NALF1: variants seen among roughly 807,000 people sequenced by gnomAD.
The protein encoded by NALF1 is family with sequence similarity 155 member A.
A neutral mutation model predicts 48.4 loss-of-function variants in NALF1; 3 were observed. The ratio of observed to expected loss-of-function variants is 0.06; its 90% confidence interval spans 0.03 to 0.16. The LOEUF is 0.16. NALF1 is among the 10% of genes least tolerant of loss of function. The pLI, the probability that NALF1 is intolerant of heterozygous loss-of-function variation, is 1.00. For synonymous variants in NALF1, 262 were observed against 245.7 expected (o/e 1.07, Z -0.62); for missense variants, 526 against 571.5 (o/e 0.92, Z 0.81).
At chr13:107,688,201 T>A (rs1248853135) in intron 1 of NALF1, among the ~76,000 whole-genome samples, 1 of 152,186 alleles carries the variant, frequency 6.6e-6, no homozygotes, top group Non-Finnish European at 1.5e-5. Context: ...ACTTTATGGC[T>A]ATGAAGGTGG....
chr13:107,495,136 A>C (rs1160394243), intron 1 of NALF1, among the ~76,000 whole-genome samples: 1 of 152,222 alleles, frequency 6.6e-6, no homozygotes, highest in Admixed American at 6.5e-5. Context: ...AGAAGTTGCA[A>C]GTAAGATATT....
chr13:107,594,648 A>T (rs1401961124), intron 1 of NALF1, among the ~76,000 whole-genome samples: 1 of 152,146 alleles, frequency 6.6e-6, no homozygotes, highest in Non-Finnish European at 1.5e-5. Flanking sequence ...GGCCAAAACA[A>T]TTTTATATAT....
intron 1 of NALF1, among the ~76,000 whole-genome samples, chr13:107,736,992 A>G (rs746124621): frequency 1.1e-4 from 16 of 152,220 alleles, no homozygotes; most frequent in Non-Finnish European, 2.2e-4. Flanking sequence ...CTTTCTAATT[A>G]CACATATTTC....
rs536635023 is a variant in NALF1 at position 107,513,128 on chromosome 13, G to A, written c.916-302373C>T. On this transcript the variant is annotated intron_variant, in intron 1 of 2. Transcript: ENST00000375915. ...AGTGTGAAGGACTGCATAAGGATTC[G>A]AAAATAAGACAACATTTTTTTAGGG... Among the ~76,000 whole-genome samples the A allele has an allele frequency of 2.6e-5, 4 of 152,206 alleles. No individual in the cohort carries two copies. The East Asian group carries it at 5.8e-4, about 22-fold the overall frequency.
intron 1 of NALF1, among the ~76,000 whole-genome samples, chr13:107,574,136 A>G (rs1197504030): frequency 6.6e-6 from 1 of 152,188 alleles, no homozygotes; most frequent in East Asian, 1.9e-4. Context: ...TGACATGCCT[A>G]CTTCTGCAAA....
At chr13:107,663,431 C>T (rs1393908404) in intron 1 of NALF1, among the ~76,000 whole-genome samples, 1 of 152,116 alleles carries the variant, frequency 6.6e-6, no homozygotes, top group Non-Finnish European at 1.5e-5. Flanking sequence ...ACAGTTAAGG[C>T]CTCTTCAGCA....
intron 1 of NALF1, among the ~76,000 whole-genome samples, chr13:107,770,085 T>C (rs1413610773): frequency 3.9e-5 from 6 of 152,128 alleles, no homozygotes; most frequent in African/African-American, 1.4e-4. Flanking sequence ...GCTAATTTTT[T>C]GTATTTTTTA....
chr13:107,547,204 A>T (rs1323665), intron 1 of NALF1, among the ~76,000 whole-genome samples: 24,469 of 152,174 alleles, frequency 0.16, 2,153 homozygotes, highest in Middle Eastern at 0.2. Context: ...AGAGTGCCTC[A>T]TATGTATAAT....
chr13:107,235,246 A>T (rs1045351813), intron 1 of NALF1, among the ~76,000 whole-genome samples: 1 of 152,244 alleles, frequency 6.6e-6, no homozygotes. Context: ...CCCAGAAAGG[A>T]AATAGTTAAT....
chr13:107,302,156 G>A (rs1168920257), intron 1 of NALF1, among the ~76,000 whole-genome samples: 1 of 152,174 alleles, frequency 6.6e-6, no homozygotes, highest in African/African-American at 2.4e-5. Context: ...GAGCTCGCAA[G>A]CTCAGCCCCT....
chr13:107,848,485 A>C (rs773776458), intron 1 of NALF1, among the ~76,000 whole-genome samples: 9 of 152,246 alleles, frequency 5.9e-5, no homozygotes, highest in Non-Finnish European at 8.8e-5. Flanking sequence ...ATGCAGCCTT[A>C]AAATTACTTT....
At chr13:107,181,613 CT>C (rs72367311) in intron 2 of NALF1, among the ~76,000 whole-genome samples, 3,736 of 134,738 alleles carry the variant, frequency 0.028, 43 homozygotes, top group Non-Finnish European at 0.037. Context: ...ACTATATAGA[CT>C]TTTTTTTTTT....
intron 1 of NALF1, among the ~76,000 whole-genome samples, chr13:107,731,505 A>T (rs1355054830): frequency 2.0e-5 from 3 of 152,074 alleles, no homozygotes; most frequent in East Asian, 3.9e-4. Context: ...ACCCAGTATT[A>T]AGTCTAGTAC....
intron 2 of NALF1, among the ~76,000 whole-genome samples, chr13:107,177,325 A>G (rs550305778): frequency 1.2e-4 from 18 of 152,328 alleles, no homozygotes; most frequent in African/African-American, 4.1e-4. Flanking sequence ...ATCCCTATAA[A>G]AAAATTAGGT....
At chr13:107,838,802 G>T (rs1187847327) in intron 1 of NALF1, among the ~76,000 whole-genome samples, 1 of 152,184 alleles carries the variant, frequency 6.6e-6, no homozygotes, top group East Asian at 1.9e-4. Context: ...ATGGCGCAGA[G>T]CTCTTCAATC....
rs117258269 is a variant in NALF1, at chr13:107,186,061, G to A, written c.1088-15275C>T. On this transcript the variant is annotated intron_variant, in intron 2 of 2. Coordinates refer to ENST00000375915, the MANE Select transcript of NALF1 (RefSeq NM_001080396.3). ...TCCTGCTCCATTTTGGCCAGGAAGT[G>A]AATCATCCATTAGTCCAGCATGTCC... Among the ~76,000 whole-genome samples, 379 of 152,276 alleles carry A rather than the reference G, an allele frequency of 2.5e-3. 7 individuals are homozygous for A. In the East Asian group the frequency reaches 0.057, roughly 23 times the overall value.
At chr13:107,644,249 C>G (rs1472334767) in intron 1 of NALF1, among the ~76,000 whole-genome samples, 3 of 151,996 alleles carry the variant, frequency 2.0e-5, no homozygotes, top group Admixed American at 2.0e-4. Flanking sequence ...TAGGTTTACA[C>G]AGTTGTGTGA....
At chr13:107,627,575 C>G (rs1278288606) in intron 1 of NALF1, among the ~76,000 whole-genome samples, 1 of 152,052 alleles carries the variant, frequency 6.6e-6, no homozygotes, top group Admixed American at 6.6e-5. Context: ...GGGGCGTATT[C>G]TTTGTTATAA....
At chr13:107,817,214 A>G (rs958771436) in intron 1 of NALF1, among the ~76,000 whole-genome samples, 1 of 152,256 alleles carries the variant, frequency 6.6e-6, no homozygotes, top group African/African-American at 2.4e-5. Context: ...AATATATGTC[A>G]CTGCTGAAGA....
Sources: allele counts gnomAD v4.1 joint callset (sites outside exome capture counted in the v4.1 genomes callset), GRCh38; gene constraint gnomAD v4.1.1; transcripts MANE v1.5; gene names NCBI Gene and HGNC (gene_info 2026-07-23, HGNC 2026-07-21).